Variants in EVC2 observed in about 807,000 individuals in gnomAD.
The protein encoded by EVC2 is limbin.
In EVC2, 148 loss-of-function variants were observed where a neutral mutation model predicts 149.3. The observed-to-expected ratio is 0.99, with a 90% confidence interval of 0.87 to 1.14. EVC2 has a LOEUF of 1.14. Ranked by LOEUF, EVC2 falls within the 50% of genes most tolerant of loss-of-function variation. EVC2 has a pLI of 0.00. For synonymous variants in EVC2, 776 were observed against 649.9 expected (o/e 1.19, Z -2.95); for missense variants, 1,854 against 1,627.3 (o/e 1.14, Z -2.40).
Position 5,665,560 on chromosome 4 carries a change from C to G in EVC2, c.960G>C (p.Met320Ile), listed in dbSNP as rs759639819. ...LVLTWAALFL[M>I]VRYQCLKGNM... Reference sequence around the variant, plus strand: ...TTCCCTTCAGACACTGATAGCGAACCATGAGGAAGAGGGCAGCCCAGGTCA... The same window carrying G: ...TTCCCTTCAGACACTGATAGCGAACGATGAGGAAGAGGGCAGCCCAGGTCA... Residue 320 changes from methionine (M) to isoleucine (I), a missense_variant, in exon 8 of 22, where the codon ATG becomes ATC. Coordinates refer to ENST00000344408, the MANE Select transcript of EVC2 (RefSeq NM_147127.5). The G allele has an allele frequency of 3.2e-5, 52 of 1,614,014 alleles. 1 individual carries two copies. The South Asian group carries it at 5.5e-4, about 17-fold the overall frequency.
At chr4:5,631,332 A>G (rs1015875730) in intron 11 of EVC2, among the ~76,000 whole-genome samples, 2 of 152,146 alleles carry the variant, frequency 1.3e-5, no homozygotes, top group South Asian at 4.1e-4. Flanking sequence ...GGCTCAAGCA[A>G]TCCTCCCATC....
At chr4:5,547,599 C>G (rs114122970) in intron 21 of EVC2, among the ~76,000 whole-genome samples, 1,694 of 152,306 alleles carry the variant, frequency 0.011, 9 homozygotes, top group Non-Finnish European at 0.016. Context: ...CAAAGCTGAG[C>G]AGACATCAGG....
intron 8 of EVC2, among the ~76,000 whole-genome samples, chr4:5,663,708 G>C (rs899160787): frequency 6.6e-6 from 1 of 152,100 alleles, no homozygotes; most frequent in Non-Finnish European, 1.5e-5. Flanking sequence ...ATCACTTGAG[G>C]TTAGGAGTTT....
At chr4:5,610,552 G>C (rs1163591714) in intron 16 of EVC2, among the ~76,000 whole-genome samples, 1 of 152,230 alleles carries the variant, frequency 6.6e-6, no homozygotes. Flanking sequence ...ATGTGGGCTG[G>C]GAGGTAGGAC....
chr4:5,578,450 G>T (rs1179704997), intron 17 of EVC2, among the ~76,000 whole-genome samples: 2 of 152,160 alleles, frequency 1.3e-5, no homozygotes, highest in South Asian at 2.1e-4. Context: ...CTAATTTTAT[G>T]TATAAGGTAA....
At chr4:5,555,980 C>A (rs1338313122) in intron 21 of EVC2, among the ~76,000 whole-genome samples, 1 of 151,802 alleles carries the variant, frequency 6.6e-6, no homozygotes, top group African/African-American at 2.4e-5. Flanking sequence ...GAGTTCAAGA[C>A]CAGCCTGGCC....
At chr4:5,643,381 T>C (rs930103996) in intron 9 of EVC2, among the ~76,000 whole-genome samples, 7 of 151,874 alleles carry the variant, frequency 4.6e-5, no homozygotes, top group African/African-American at 1.5e-4. Flanking sequence ...AGCCTCACCA[T>C]GTAATTGTTT....
chr4:5,533,523 C>T, the EVC2 span, among the ~76,000 whole-genome samples: 3 of 152,184 alleles, frequency 2.0e-5, no homozygotes, highest in African/African-American at 7.2e-5. Flanking sequence ...CCTTAAAAGG[C>T]TTTGAGCAGA....
At chr4:5,552,906 G>C (rs998199457) in intron 21 of EVC2, among the ~76,000 whole-genome samples, 2 of 152,192 alleles carry the variant, frequency 1.3e-5, no homozygotes, top group Non-Finnish European at 2.9e-5. Flanking sequence ...TATCAGAGCA[G>C]GAAAAGAGGC....
At chr4:5,572,236 G>T (rs911883960) in intron 19 of EVC2, among the ~76,000 whole-genome samples, 1 of 152,208 alleles carries the variant, frequency 6.6e-6, no homozygotes, top group Admixed American at 6.5e-5. Context: ...GCTGCCCAGA[G>T]CTTCCGGTCT....
At chr4:5,542,585 T>C (rs988929174), downstream of EVC2, among the ~76,000 whole-genome samples, 1 of 152,234 alleles carries the variant, frequency 6.6e-6, no homozygotes, top group Non-Finnish European at 1.5e-5. Context: ...TGGAGTAGAC[T>C]GCCCAGGTTC....
chr4:5,564,510 T>C (rs752465873), intron 21 of EVC2, among the ~76,000 whole-genome samples: 2 of 152,220 alleles, frequency 1.3e-5, no homozygotes, highest in Non-Finnish European at 2.9e-5. Flanking sequence ...TCTCAGCACC[T>C]TCAACTGAGC....
At chr4:5,577,498 G>A (rs764711302) in intron 17 of EVC2, among the ~76,000 whole-genome samples, 6 of 152,154 alleles carry the variant, frequency 3.9e-5, no homozygotes, top group Non-Finnish European at 7.3e-5. Context: ...AGAGGCCTTG[G>A]TTGGACTTCA....
chr4:5,632,773 T>C (rs1167546752), intron 10 of EVC2, among the ~76,000 whole-genome samples: 2 of 152,062 alleles, frequency 1.3e-5, no homozygotes, highest in African/African-American at 4.8e-5. Context: ...TCCTGATCCA[T>C]TTGCATACGG....
intron 8 of EVC2, 84 bp downstream of exon 8, chr4:5,665,431 T>A: frequency 1.2e-6 from 2 of 1,602,008 alleles, no homozygotes; most frequent in Non-Finnish European, 1.7e-6. Context: ...CTGATGGGGA[T>A]CCAGGGCTGA....
chr4:5,597,210 C>T (rs1048364090), intron 16 of EVC2, among the ~76,000 whole-genome samples: 5 of 152,280 alleles, frequency 3.3e-5, no homozygotes, highest in African/African-American at 1.2e-4. Flanking sequence ...CTCCCTAACT[C>T]ATTTTATGAG....
intron 16 of EVC2, among the ~76,000 whole-genome samples, chr4:5,592,680 A>G (rs1476110106): frequency 2.0e-5 from 3 of 152,220 alleles, no homozygotes; most frequent in Non-Finnish European, 2.9e-5. Flanking sequence ...AAGAGGCAAA[A>G]TGGCAGAGTA....
At chr4:5,603,895 C>T (rs1421246855) in intron 16 of EVC2, among the ~76,000 whole-genome samples, 3 of 152,206 alleles carry the variant, frequency 2.0e-5, no homozygotes, top group Admixed American at 1.3e-4. Context: ...AAAAACAGCA[C>T]AAGAATCACA....
At chr4:5,574,489 C>A (rs1244883161) in intron 19 of EVC2, among the ~76,000 whole-genome samples, 196 bp downstream of exon 19, 2 of 152,220 alleles carry the variant, frequency 1.3e-5, no homozygotes, top group African/African-American at 4.8e-5. Flanking sequence ...ATTATGGTTG[C>A]GGTTGCTGCC....
Sources: gnomAD v4.1 joint callset for allele counts (sites outside exome capture counted in the v4.1 genomes callset) on GRCh38, gnomAD v4.1.1 for gene constraint, MANE v1.5 for transcripts, NCBI Gene and HGNC (gene_info 2026-07-23, HGNC 2026-07-21) for gene names.